The following MYH11 variants were observed in gnomAD, a reference collection of about 807,000 sequenced individuals.
MYH11 encodes myosin heavy chain 11.
In MYH11, 80 loss-of-function variants were observed where a neutral mutation model predicts 246.6. The observed-to-expected ratio is 0.32, with a 90% CI of 0.27 to 0.39. The LOEUF (loss-of-function observed/expected upper bound fraction) is 0.39. Among genes scored for constraint, MYH11 ranks in the 10% least tolerant of loss-of-function variants. The probability of loss-of-function intolerance (pLI) is 1.00; values close to 1 mark genes in which losing one functional copy is unlikely to be tolerated. For missense variants in MYH11, 2,158 were observed against 2,546.8 expected (o/e 0.85, Z 3.29); for synonymous variants, 1,071 against 1,015.5 (o/e 1.05, Z -1.04).
chr16:15,827,404 G>T (rs751566437), intron 2 of MYH11, among the ~76,000 whole-genome samples: 1 of 152,166 alleles, frequency 6.6e-6, no homozygotes, highest in Non-Finnish European at 1.5e-5. Flanking sequence ...AACAGGACAC[G>T]GGGTCCGTGG....
chr16:15,826,469 G>A (rs922740974), intron 2 of MYH11, among the ~76,000 whole-genome samples: 6 of 152,044 alleles, frequency 3.9e-5, no homozygotes, highest in African/African-American at 1.4e-4. Context: ...TTCACCTGTA[G>A]TCCCAGCCAC....
At chr16:15,764,626 T>A (rs1323205055) in intron 9 of MYH11, among the ~76,000 whole-genome samples, 1 of 152,196 alleles carries the variant, frequency 6.6e-6, no homozygotes, top group Non-Finnish European at 1.5e-5. Context: ...GAAGTCAGGA[T>A]AATGATTATC....
chr16:15,718,568 T>G (rs544701948), intron 36 of MYH11, 130 bp from the exon 37 acceptor site: 1 of 1,336,540 alleles, frequency 7.5e-7, no homozygotes, highest in East Asian at 2.5e-5. Context: ...TGGAGAAGAT[T>G]AGAAGACTCA....
rs776781593 is a variant in MYH11 at position 15,750,033 on chromosome 16, G to A, written c.2058+105C>T. 6 of 1,340,566 alleles carry A rather than the reference G, an allele frequency of 4.5e-6. No individual in the cohort carries two copies. The African/African-American group carries it at 7.2e-5, about 16-fold the overall frequency. 83.0% of individuals were successfully genotyped at this position (1,340,566 alleles called of 1,614,324 possible). A position where few individuals can be genotyped will look rare whatever the true frequency, so the allele number is the denominator to read the frequency against. ...AGATAGCCTTCCCCACATGGAAAAT[G>A]GGGTCCTCGGGGTAGGTGGGGGCAG... On this transcript the variant is annotated intron_variant, in intron 16 of 40. Coordinates refer to ENST00000300036, the MANE Select transcript of MYH11 (RefSeq NM_002474.3). This position sits in a 1 kb window ranked among gnomAD's most constrained non-coding sequence, Gnocchi z 4.3.
At position 15,719,664 on chromosome 16, in the gene MYH11, C is replaced by T. The variant is rs890481446; in HGVS notation, c.5003G>A (p.Arg1668Lys). The T allele has an allele frequency of 2.5e-6, 4 of 1,614,104 alleles. No individual in the cohort carries two copies. The highest frequency in any genetic ancestry group is 3.4e-6 in the Non-Finnish European group (4 of 1,180,050). Residue 1668 changes from arginine (R) to lysine (K), a missense_variant, in exon 35 of 41, where the codon AGA (arginine) becomes AAA (lysine). Arg to Lys is a conservative substitution (Grantham distance 26). Coordinates refer to ENST00000300036, the MANE Select transcript of MYH11 (RefSeq NM_002474.3). ...TTTGGCTGTGGCAAAGATCTCATCT[C>T]TGGAGGCACGGGCATCTTCCAGCTC... ...QRELEDARAS[R>K]DEIFATAKEN...
At chr16:15,742,780 G>T (rs113400945) in intron 20 of MYH11, among the ~76,000 whole-genome samples, 1 of 151,774 alleles carries the variant, frequency 6.6e-6, no homozygotes, top group East Asian at 1.9e-4. Flanking sequence ...ACCCCATGCT[G>T]TTACATCATT....
At position 15,741,820 on chromosome 16, in the gene MYH11, G is replaced by A. The variant is rs771714041; in HGVS notation, c.2592C>T (p.Thr864=). ...MQAKEDELQK[T]KERQQKAENE... Reference sequence around the variant, plus strand: ...TCTCTGCCTTCTGCTGCCGCTCCTTGGTCTTCTGCAGTTCATCCTCCTTGG... The same window carrying A: ...TCTCTGCCTTCTGCTGCCGCTCCTTAGTCTTCTGCAGTTCATCCTCCTTGG... The change falls in exon 21 of 41, where the codon ACC becomes ACT. Residue 864 remains threonine, a synonymous_variant. Transcript: ENST00000300036. 1.2e-5 allele frequency: 19 copies of A among 1,614,170 alleles called. No individual in the cohort carries two copies. The East Asian group carries it at 3.8e-4, about 32-fold the overall frequency.
chr16:15,730,291 G>A (rs2040921527), intron 27 of MYH11, among the ~76,000 whole-genome samples: 1 of 151,364 alleles, frequency 6.6e-6, no homozygotes, highest in African/African-American at 2.4e-5. Flanking sequence ...CAGCACTTTG[G>A]GAGGCCAAGG....
At chr16:15,843,049 C>T (rs981061981) in intron 1 of MYH11, among the ~76,000 whole-genome samples, 10 of 152,072 alleles carry the variant, frequency 6.6e-5, no homozygotes, top group African/African-American at 1.9e-4. Flanking sequence ...AACAATAAAA[C>T]TAGGATGTAA....
intron 27 of MYH11, among the ~76,000 whole-genome samples, chr16:15,731,135 C>G (rs1382590963): frequency 1.3e-5 from 2 of 152,202 alleles, no homozygotes; most frequent in Non-Finnish European, 2.9e-5. Context: ...TTCCTCCAGT[C>G]TGCAGAGAAA....
At chr16:15,748,503 A>AC (rs1190335303) in intron 16 of MYH11, among the ~76,000 whole-genome samples, 3 of 146,442 alleles carry the variant, frequency 2.0e-5, no homozygotes, top group East Asian at 2.0e-4. Flanking sequence ...ATATCTCCCA[A>AC]CCCCCCCACT....
At position 15,714,871 on chromosome 16, in the gene MYH11, C is replaced by G. The variant is rs374514458; in HGVS notation, c.5786+38G>C. 1.1e-5 allele frequency: 17 copies of G among 1,611,414 alleles called. 1 individual carries two copies. Among genetic ancestry groups the G allele is most frequent in the Admixed American group, 6.7e-5 (4 of 60,008 alleles). ...CGAGCCCCCAGTGCTTTTCTCTGGC[C>G]TGAGAGACGGGGTCCTCCCGGGCCA... is the stretch of plus-strand genomic sequence containing the variant. On this transcript the variant is annotated intron_variant, in intron 40 of 40. Transcript: ENST00000300036.
At chr16:15,855,461 G>C (rs1324296726) in intron 1 of MYH11, among the ~76,000 whole-genome samples, 1 of 152,202 alleles carries the variant, frequency 6.6e-6, no homozygotes, top group Non-Finnish European at 1.5e-5. Flanking sequence ...TCAAGGGTAT[G>C]AACTTGGACT....
At chr16:15,743,676 T>C (rs989789528) in intron 20 of MYH11, among the ~76,000 whole-genome samples, 2 of 152,180 alleles carry the variant, frequency 1.3e-5, no homozygotes, top group African/African-American at 4.8e-5. Context: ...GTCTCTGTGA[T>C]TATCTGTTTA....
intron 10 of MYH11, 55 bp downstream of exon 10, chr16:15,763,741 T>TCGGGC: frequency 4.9e-5 from 32 of 646,834 alleles, no homozygotes; most frequent in Non-Finnish European, 7.2e-5. Flanking sequence ...AAATGTCACC[T>TCGGGC]CCCCCACCCC....
intron 27 of MYH11, 77 bp from the exon 28 acceptor site, chr16:15,727,131 C>T: frequency 2.9e-6 from 4 of 1,378,558 alleles, no homozygotes; most frequent in Non-Finnish European, 4.1e-6. Flanking sequence ...CCCTTTCCTC[C>T]CTCAGAGAGG....
At chr16:15,818,292 T>A (rs894174173) in intron 3 of MYH11, among the ~76,000 whole-genome samples, 1 of 152,198 alleles carries the variant, frequency 6.6e-6, no homozygotes, top group Admixed American at 6.6e-5. Flanking sequence ...CATTTATCAA[T>A]GGAGTCAACA....
intron 4 of MYH11, among the ~76,000 whole-genome samples, chr16:15,788,088 T>TG (rs2042517927): frequency 7.7e-6 from 1 of 130,536 alleles, no homozygotes; most frequent in African/African-American, 3.0e-5. Flanking sequence ...TTTTTTTTTT[T>TG]TTTTTTTACC....
At position 15,737,540 on chromosome 16, in the gene MYH11, G is replaced by A. The variant is rs1156371168; in HGVS notation, c.3202C>T (p.His1068Tyr). Reference protein sequence around the residue: ...RKLEGDASDFHEQIADLQAQI... With the variant: ...RKLEGDASDFYEQIADLQAQI... ...GCCTGGAGGTCAGCGATCTGCTCGT[G>A]GAAGTCGCTGGCATCACCCTCCAGC... Residue 1068 changes from histidine (H) to tyrosine (Y), a missense_variant, in exon 25 of 41, where the codon CAC (histidine) becomes TAC (tyrosine). His to Tyr is a moderately conservative substitution (Grantham distance 83). Around this residue, in one of 11 missense-constraint regions of MYH11, gnomAD observed 284 missense variants for 315.4 expected, o/e 0.90. Transcript: ENST00000300036. 1.9e-6 allele frequency: 3 copies of A among 1,613,992 alleles called. No individual in the cohort carries two copies. The highest frequency in any genetic ancestry group is 2.2e-5 in the South Asian group (2 of 91,084).
Sources: allele counts gnomAD v4.1 joint callset (sites outside exome capture counted in the v4.1 genomes callset), GRCh38; gene constraint gnomAD v4.1.1; regional missense constraint gnomAD v4.1.1; non-coding constraint Gnocchi (gnomAD v3.1); transcripts MANE v1.5; gene names NCBI Gene and HGNC (gene_info 2026-07-23, HGNC 2026-07-21).